The following AKT1S1 variants were observed in gnomAD, a reference collection of about 807,000 sequenced individuals.
AKT1S1 encodes the protein proline-rich AKT1 substrate 1.
A neutral mutation model predicts 21.2 loss-of-function variants in AKT1S1; 17 were observed. The ratio of observed to expected loss-of-function variants is 0.80; its 90% confidence interval spans 0.55 to 1.20. AKT1S1 has a LOEUF of 1.20. Among genes scored for constraint, AKT1S1 ranks in the 50% most tolerant of loss-of-function variants. The pLI is 0.00. For missense variants in AKT1S1, 366 were observed against 368.3 expected (o/e 0.99, Z 0.05); for synonymous variants, 181 against 165.6 (o/e 1.09, Z -0.72).
At chr19:49,872,868 G>C (rs559128655) in intron 2 of AKT1S1, 49 bp downstream of exon 2, 136 of 1,558,962 alleles carry the variant, frequency 8.7e-5, no homozygotes, top group Non-Finnish European at 1.1e-4. Flanking sequence ...AGCCTCCTGC[G>C]GGCACCTCAA....
At chr19:49,875,934 C>T (rs1962594727) in intron 1 of AKT1S1, 1 of 985,344 alleles carries the variant, frequency 1.0e-6, no homozygotes, top group Non-Finnish European at 1.2e-6. Flanking sequence ...AGGAAGAACC[C>T]GCCCCGATAG....
intron 4 of AKT1S1, 43 bp from the exon 5 acceptor site, chr19:49,870,103 A>G: frequency 6.8e-7 from 1 of 1,468,250 alleles, no homozygotes; most frequent in Non-Finnish European, 9.0e-7. Flanking sequence ...CGGCAGGGCA[A>G]TCCCCCTGCA....
chr19:49,873,079 T>C lies in AKT1S1; in HGVS notation c.217A>G (p.Thr73Ala). The change falls in exon 2 of 5, where the codon ACT (threonine) becomes GCT (alanine). Residue 73 changes from threonine (T) to alanine (A), a missense_variant. Coordinates refer to ENST00000344175, the MANE Select transcript of AKT1S1 (RefSeq NM_001098633.4). This position sits in a 1 kb window ranked among gnomAD's most constrained non-coding sequence, Gnocchi z 6.9. Reference protein sequence around the residue: ...HDIALAHRAATAARPPAPPPA... With the variant: ...HDIALAHRAAAAARPPAPPPA... The stretch of plus-strand genomic sequence containing the variant: ...GGGGGCGCAGGAGGCCGAGCAGCAG[T>C]GGCAGCCCTGTGGGCCAGTGCGATG... The C allele has an allele frequency of 6.4e-7, 1 of 1,552,072 alleles. No individual in the cohort carries two copies. Among genetic ancestry groups the C allele is most frequent in the Non-Finnish European group, 8.7e-7 (1 of 1,150,368 alleles).
chr19:49,876,841 A>G (rs905946458), intron 1 of AKT1S1: 2 of 573,190 alleles, frequency 3.5e-6, no homozygotes, highest in Admixed American at 4.2e-5. Flanking sequence ...ATTTGCCCCC[A>G]ACAATAATGG....
chr19:49,877,904 G>C, upstream of AKT1S1: 1 of 930,082 alleles, frequency 1.1e-6, no homozygotes, highest in Non-Finnish European at 1.6e-6. Flanking sequence ...ACCGCCCCAG[G>C]GAAGAACCTC....
chr19:49,874,416 C>T (rs2074918649), intron 1 of AKT1S1: 2 of 152,238 alleles, frequency 1.3e-5, no homozygotes, highest in African/African-American at 4.8e-5. Context: ...GTCCCTGATC[C>T]CCCAGGGTGC....
rs189289407 is a variant in AKT1S1, at chr19:49,869,609, G to A, written c.*308C>T. 10 of 280,354 alleles carry A rather than the reference G, an allele frequency of 3.6e-5. No individual in the cohort carries two copies. The Admixed American group carries it at 4.2e-4, about 12-fold the overall frequency. 17.4% of individuals were successfully genotyped at this position (280,354 alleles called of 1,614,324 possible). A position where few individuals can be genotyped will look rare whatever the true frequency, so the allele number is the denominator to read the frequency against. The stretch of plus-strand genomic sequence containing the variant: ...GCGAGCAAATCCCTTGTCGCTAGGC[G>A]GAAAACAAAGGAGTTGACCCATTTA... On this transcript the variant is annotated 3_prime_UTR_variant, in exon 5 of 5. Coordinates refer to ENST00000344175, the MANE Select transcript of AKT1S1 (RefSeq NM_001098633.4).
At position 49,869,758 on chromosome 19, in the gene AKT1S1, G is replaced by T; in HGVS notation, c.*159C>A. On this transcript the variant is annotated 3_prime_UTR_variant, in exon 5 of 5. Coordinates refer to ENST00000344175, the MANE Select transcript of AKT1S1 (RefSeq NM_001098633.4). ...CCTCGGCGCGGCAGGTCGTGGGCTG[G>T]AAGGACGGCGGGGATTGGCAGAGGC... 1 of 891,206 alleles carries T rather than the reference G, an allele frequency of 1.1e-6. No individual in the cohort carries two copies. Among genetic ancestry groups the T allele is most frequent in the Non-Finnish European group, 1.6e-6 (1 of 636,982 alleles). The allele number at this position is 891,206 out of a possible 1,614,324, so 55.2% of individuals were successfully genotyped here.
chr19:49,870,863 C>A (rs982483814), intron 4 of AKT1S1, among the ~76,000 whole-genome samples: 8 of 152,200 alleles, frequency 5.3e-5, no homozygotes, highest in Non-Finnish European at 4.4e-5. Flanking sequence ...GTGCTCACTG[C>A]TTCATTGAGG....
intron 4 of AKT1S1, among the ~76,000 whole-genome samples, chr19:49,871,238 A>G (rs1600429752): frequency 6.6e-6 from 1 of 151,974 alleles, no homozygotes; most frequent in Non-Finnish European, 1.5e-5. Flanking sequence ...GGTGATCTGA[A>G]CCCTCCAAGC....
At chr19:49,874,498 G>A (rs1404529584) in intron 1 of AKT1S1, 1 of 152,272 alleles carries the variant, frequency 6.6e-6, no homozygotes, top group Non-Finnish European at 1.5e-5. Context: ...CTGAGCTTGT[G>A]ACAGCTGTAA....
intron 4 of AKT1S1, among the ~76,000 whole-genome samples, chr19:49,870,354 A>G (rs940843578): frequency 7.9e-5 from 12 of 152,200 alleles, no homozygotes; most frequent in African/African-American, 2.4e-4. Flanking sequence ...CCTGCTAGCC[A>G]TTAAGGCTGA....
upstream of AKT1S1, chr19:49,877,398 G>A (rs1271366487): frequency 9.7e-5 from 40 of 410,486 alleles, 1 homozygote; most frequent in Admixed American, 1.7e-3. Context: ...GGAGAAGGAA[G>A]TGGGCGTTTC....
upstream of AKT1S1, chr19:49,878,169 C>T (rs1158137158): frequency 5.1e-6 from 8 of 1,577,942 alleles, no homozygotes; most frequent in East Asian, 2.4e-5. Context: ...GCGGAGTGTA[C>T]CTGCACACCA....
At position 49,871,873 on chromosome 19, in the gene AKT1S1, A is replaced by T; in HGVS notation, c.396T>A (p.Asp132Glu). Residue 132 changes from aspartate to glutamate, a missense_variant, in exon 3 of 5, where the codon GAT (aspartate) becomes GAA (glutamate). Transcript: ENST00000344175. ...GAAGGTCCTGGAGGGTGGCGTCCTCATCCATCACAAAGAGCCCTGTGGATG... is the reference window on the plus strand; with the variant it reads ...GAAGGTCCTGGAGGGTGGCGTCCTCTTCCATCACAAAGAGCCCTGTGGATG... ...ISDNGGLFVM[D>E]EDATLQDLPP... 6.2e-7 allele frequency: 1 copy of T among 1,613,056 alleles called. No individual in the cohort carries two copies. The highest frequency in any genetic ancestry group is 1.3e-5 in the African/African-American group (1 of 74,882).
In AKT1S1 at chr19:49,875,927, A is replaced by G. The variant is rs370138983; in HGVS notation, c.-8+1310T>C. ...CCTCCAAGGAGCTGAGAGATGGAGG[A>G]AGAACCCGCCCCGATAGACGAGTTT... On this transcript the variant is annotated intron_variant, in intron 1 of 4. Transcript: ENST00000344175. 22 of 985,392 alleles carry G rather than the reference A, an allele frequency of 2.2e-5. 2 individuals carry two copies. The Admixed American group carries it at 9.2e-4, about 41-fold the overall frequency. 61.0% of individuals were successfully genotyped at this position (985,392 alleles called of 1,614,324 possible). A position where few individuals can be genotyped will look rare whatever the true frequency, so the allele number is the denominator to read the frequency against.
upstream of AKT1S1, chr19:49,878,268 ACCCGC>A: frequency 6.5e-7 from 1 of 1,546,686 alleles, no homozygotes. Flanking sequence ...CAGGGCTCGG[ACCCGC>A]TCCGAGCGGG....
At position 49,873,205 on chromosome 19, in the gene AKT1S1, G is replaced by A. The variant is rs771551555; in HGVS notation, c.91C>T (p.Leu31=). ...GGTGGTGGCGGCGGGGCCGCGGTCA[G>A]CAGCACCAGCTCCGTGCCAGTCCGG... ...RARTGTELVL[L]TAAPPPPPRP... is the part of the protein sequence containing the mutation. The change falls in exon 2 of 5, where the codon CTG becomes TTG. Residue 31 remains leucine, a synonymous_variant. Transcript: ENST00000344175. The surrounding 1 kb of genome is among the most constrained non-coding windows in gnomAD (Gnocchi z 6.9). 3.3e-6 allele frequency: 5 copies of A among 1,533,618 alleles called. No homozygotes were observed. The South Asian group carries it at 4.8e-5, about 15-fold the overall frequency.
At chr19:49,876,735 G>C in intron 1 of AKT1S1, 1 of 1,388,170 alleles carries the variant, frequency 7.2e-7, no homozygotes, top group Non-Finnish European at 9.4e-7. Context: ...GGCCGCCCGA[G>C]ATCAAGATGG....
Sources: allele counts gnomAD v4.1 joint callset (sites outside exome capture counted in the v4.1 genomes callset), GRCh38; gene constraint gnomAD v4.1.1; non-coding constraint Gnocchi (gnomAD v3.1); transcripts MANE v1.5; gene names NCBI Gene and HGNC (gene_info 2026-07-23, HGNC 2026-07-21).